Variants in CTTN observed in about 807,000 individuals in gnomAD.
The protein encoded by CTTN is src substrate cortactin.
A neutral mutation model predicts 84.0 loss-of-function variants in CTTN; 28 were observed. That is an observed-to-expected ratio of 0.33 (90% CI 0.25 to 0.46). The LOEUF is 0.46. Ranked by LOEUF, CTTN falls within the 20% of genes least tolerant of loss-of-function variation. The pLI, the probability that CTTN is intolerant of heterozygous loss-of-function variation, is 1.00. For missense variants in CTTN, 641 were observed against 723.8 expected (o/e 0.89, Z 1.31); for synonymous variants, 301 against 288.8 (o/e 1.04, Z -0.43).
intron 9 of CTTN, 27 bp downstream of exon 9, chr11:70,419,883 A>G: frequency 6.4e-7 from 1 of 1,562,246 alleles, no homozygotes. Flanking sequence ...CTTACCCTCC[A>G]GCCAGCAGCT....
intron 1 of CTTN, among the ~76,000 whole-genome samples, chr11:70,402,534 T>G (rs2057998878): frequency 6.6e-6 from 1 of 152,228 alleles, no homozygotes; most frequent in Non-Finnish European, 1.5e-5. Context: ...ATGTATCTTT[T>G]GTCTCTGTAG....
rs558064757 is a variant in CTTN, at chr11:70,426,175, A to C, written c.1027+774A>C. ...GTAATCCCAGCACTTTGGGAGGCCA[A>C]GACGGGCGGATCACGAGGTCAGGAG... On this transcript the variant is annotated intron_variant, in intron 13 of 17. Transcript: ENST00000301843. 7.2e-5 allele frequency among the ~76,000 whole-genome samples: 11 copies of C among 152,320 alleles called. No homozygotes were observed. In the South Asian group the frequency reaches 1.9e-3, roughly 26 times the overall value.
At chr11:70,425,454 A>G (rs1403339245) in intron 13 of CTTN, 53 bp downstream of exon 13, 3 of 1,392,552 alleles carry the variant, frequency 2.2e-6, no homozygotes, top group East Asian at 4.6e-5. Context: ...GAAAACACTG[A>G]GGGGAAGGAC....
At chr11:70,405,850 T>C (rs200446335) in intron 2 of CTTN, among the ~76,000 whole-genome samples, 2 of 152,178 alleles carry the variant, frequency 1.3e-5, no homozygotes, top group East Asian at 3.9e-4. Context: ...CTCCCATCCT[T>C]TCTTGCAGCC....
chr11:70,409,647 A>T (rs1028358696), intron 4 of CTTN, among the ~76,000 whole-genome samples, 184 bp from the exon 5 acceptor site: 6 of 152,214 alleles, frequency 3.9e-5, no homozygotes, highest in African/African-American at 1.2e-4. Context: ...AGACTGCCGA[A>T]GTGGGTGTAC....
chr11:70,413,990 G>A (rs1020214675), intron 5 of CTTN, among the ~76,000 whole-genome samples: 1 of 152,110 alleles, frequency 6.6e-6, no homozygotes, highest in Admixed American at 6.5e-5. Context: ...TGGTGGCCCC[G>A]ACCTGTGTCC....
At chr11:70,429,290 C>T in intron 14 of CTTN, 91 bp downstream of exon 14, 1 of 1,437,322 alleles carries the variant, frequency 7.0e-7, no homozygotes, top group Admixed American at 2.1e-5. Flanking sequence ...GGCTTATTCT[C>T]TCCTGGCCAG....
At chr11:70,402,763 C>G (rs2058001558) in intron 1 of CTTN, among the ~76,000 whole-genome samples, 1 of 152,180 alleles carries the variant, frequency 6.6e-6, no homozygotes, top group Admixed American at 6.5e-5. Context: ...TGTTTTTTGG[C>G]TGCTATGAAT....
chr11:70,407,800 C>G, intron 4 of CTTN: 1 of 512,928 alleles, frequency 1.9e-6, no homozygotes. Context: ...TATTTAGATA[C>G]TTCTGTGCTC....
chr11:70,404,636 A>G (rs961006992), intron 1 of CTTN, among the ~76,000 whole-genome samples: 4 of 152,322 alleles, frequency 2.6e-5, no homozygotes, highest in Non-Finnish European at 5.9e-5. Flanking sequence ...AAAAGTGAAA[A>G]TCTCTAAGAA....
At chr11:70,421,078 C>T (rs2058230816) in intron 10 of CTTN, among the ~76,000 whole-genome samples, 1 of 152,222 alleles carries the variant, frequency 6.6e-6, no homozygotes, top group Non-Finnish European at 1.5e-5. Flanking sequence ...CTGAGAGAAG[C>T]AGGAGCGGGG....
At chr11:70,400,143 C>T (rs971230470) in intron 1 of CTTN, among the ~76,000 whole-genome samples, 2 of 152,180 alleles carry the variant, frequency 1.3e-5, no homozygotes, top group African/African-American at 4.8e-5. Flanking sequence ...TAGAAGCTAA[C>T]CTTCTGCTAT....
chr11:70,434,963 T>C lies in CTTN; in HGVS notation c.1517-63T>C. ...CTGGGAGCTTGCTCTGGGTTGTGCT[T>C]TTTTTCTGGCAGACCAGGAAACGCT... On this transcript the variant is annotated intron_variant, in intron 17 of 17. Transcript: ENST00000301843. 2.5e-6 allele frequency: 4 copies of C among 1,588,898 alleles called. No individual in the cohort carries two copies. The South Asian group carries it at 4.4e-5, about 18-fold the overall frequency.
intron 5 of CTTN, 115 bp from the exon 6 acceptor site, chr11:70,414,427 T>C (rs2135565863): frequency 1.4e-6 from 1 of 692,816 alleles, no homozygotes; most frequent in Admixed American, 2.6e-5. Context: ...GGTGTGTTAA[T>C]GTAAGGTTTC....
chr11:70,417,252 T>C (rs755013677), intron 8 of CTTN, 129 bp downstream of exon 8: 15 of 701,310 alleles, frequency 2.1e-5, no homozygotes, highest in Non-Finnish European at 3.0e-5. Context: ...TTCGTACCAG[T>C]GTATGTGGGC....
intron 5 of CTTN, chr11:70,410,414 G>A (rs2058085254): frequency 5.8e-6 from 1 of 171,642 alleles, no homozygotes; most frequent in Admixed American, 5.5e-5. Flanking sequence ...CATGCGTTCA[G>A]TGACCATCAG....
At chr11:70,409,710 T>TAGTCAGGAAGGCACAGTG in intron 4 of CTTN, 121 bp from the exon 5 acceptor site, 1 of 1,124,852 alleles carries the variant, frequency 8.9e-7, no homozygotes, top group Non-Finnish European at 1.3e-6. Flanking sequence ...TCGGTGAACA[T>TAGTCAGGAAGGCACAGTG]CAGATAAGCA....
chr11:70,399,421 C>T (rs1432048347), intron 1 of CTTN, among the ~76,000 whole-genome samples: 1 of 151,676 alleles, frequency 6.6e-6, no homozygotes, highest in Non-Finnish European at 1.5e-5. Context: ...GGTTGGGGTG[C>T]GCGACTTTGA....
chr11:70,412,467 C>T (rs952151653), intron 5 of CTTN, among the ~76,000 whole-genome samples: 7 of 151,832 alleles, frequency 4.6e-5, no homozygotes, highest in Admixed American at 2.0e-4. Flanking sequence ...GAAGGGGAAA[C>T]GGCTTAAGTT....
Sources: allele counts gnomAD v4.1 joint callset (sites outside exome capture counted in the v4.1 genomes callset), GRCh38; gene constraint gnomAD v4.1.1; transcripts MANE v1.5; gene names NCBI Gene and HGNC (gene_info 2026-07-23, HGNC 2026-07-21).